The following SESTD1 variants were observed in gnomAD, a reference collection of about 807,000 sequenced individuals.
The protein encoded by SESTD1 is SEC14 domain and spectrin repeat-containing protein 1.
Under a neutral mutation model 101.7 loss-of-function variants are expected in SESTD1, and 43 were observed. The observed-to-expected ratio is 0.42, with a 90% CI of 0.33 to 0.55. The LOEUF is 0.55. Ranked by LOEUF, SESTD1 falls within the 20% of genes least tolerant of loss-of-function variation. The pLI is 0.07. For synonymous variants in SESTD1, 283 were observed against 286.8 expected (o/e 0.99, Z 0.13); for missense variants, 647 against 815.1 (o/e 0.79, Z 2.51).
At chr2:179,156,120 A>G (rs10205477) in intron 5 of SESTD1, among the ~76,000 whole-genome samples, 32,516 of 151,482 alleles carry the variant, frequency 0.21, 3,776 homozygotes, top group African/African-American at 0.29. Context: ...ATATATATAT[A>G]TGTGTGTATA....
chr2:179,111,245 G>A (rs1056171870), intron 17 of SESTD1, among the ~76,000 whole-genome samples: 1 of 152,192 alleles, frequency 6.6e-6, no homozygotes, highest in Admixed American at 6.5e-5. Flanking sequence ...TTTAGGTGGG[G>A]CTTGAGATAA....
chr2:179,161,679 A>T (rs1047521818), intron 5 of SESTD1, among the ~76,000 whole-genome samples: 1 of 151,788 alleles, frequency 6.6e-6, no homozygotes, highest in African/African-American at 2.4e-5. Context: ...AAAAAAAGGT[A>T]TTATGCCATC....
chr2:179,190,969 T>C (rs2046311075), intron 2 of SESTD1, among the ~76,000 whole-genome samples: 1 of 152,234 alleles, frequency 6.6e-6, no homozygotes, highest in East Asian at 1.9e-4. Flanking sequence ...GTTTGGAGAC[T>C]TCTCAGAGAA....
At chr2:179,132,514 C>G in intron 9 of SESTD1, 88 bp from the exon 10 acceptor site, 1 of 1,428,502 alleles carries the variant, frequency 7.0e-7, no homozygotes, top group Non-Finnish European at 9.4e-7. Context: ...TCCCAAAGTT[C>G]CCCAATTATT....
chr2:179,147,326 T>C (rs1470201095), intron 7 of SESTD1, among the ~76,000 whole-genome samples: 2 of 151,884 alleles, frequency 1.3e-5, no homozygotes, highest in Admixed American at 6.6e-5. Flanking sequence ...CTTCCCAAAG[T>C]GTTTCCCAAA....
At chr2:179,172,938 A>T (rs1559127551) in intron 4 of SESTD1, among the ~76,000 whole-genome samples, 1 of 152,230 alleles carries the variant, frequency 6.6e-6, no homozygotes, top group South Asian at 2.1e-4. Flanking sequence ...AAATATCATC[A>T]TTACAAGGCT....
rs1296943995 is a variant in SESTD1, at chr2:179,105,718, A to G, written c.*4181T>C. On this transcript the variant is annotated 3_prime_UTR_variant, in exon 18 of 18. Transcript: ENST00000428443. ...TATTTTGGCTTCAACAATTCTTTAT[A>G]TCATATTTTATTCTTGAAATTGGTA... The G allele has an allele frequency of 1.3e-5, 2 of 152,176 alleles. No individual in the cohort carries two copies. Among genetic ancestry groups the G allele is most frequent in the African/African-American group, 4.8e-5 (2 of 41,450 alleles). 9.4% of individuals were successfully genotyped at this position (152,176 alleles called of 1,614,324 possible). A position where few individuals can be genotyped will look rare whatever the true frequency, so the allele number is the denominator to read the frequency against.
At position 179,108,738 on chromosome 2, in the gene SESTD1, AATAC is replaced by A. The variant is rs1335260787; in HGVS notation, c.*1157_*1160del. On this transcript the variant is annotated 3_prime_UTR_variant, in exon 18 of 18. Coordinates refer to ENST00000428443, the MANE Select transcript of SESTD1 (RefSeq NM_178123.5). The stretch of plus-strand genomic sequence containing the variant: ...ATTTTAAAAAATGTTCTGAAATAAA[AATAC>A]ATAAAATTTAAATTATATGCATTTT... 2 of 152,142 alleles carry A rather than the reference AATAC, an allele frequency of 1.3e-5. No homozygotes were observed. The highest frequency in any genetic ancestry group is 2.4e-5 in the African/African-American group (1 of 41,446). 9.4% of individuals were successfully genotyped at this position (152,142 alleles called of 1,614,324 possible).
intron 1 of SESTD1, among the ~76,000 whole-genome samples, chr2:179,238,319 G>C (rs1003997730): frequency 1.5e-4 from 23 of 152,012 alleles, no homozygotes; most frequent in African/African-American, 5.3e-4. Flanking sequence ...AGGATCAACT[G>C]TACAATCATA....
intron 5 of SESTD1, among the ~76,000 whole-genome samples, chr2:179,155,206 G>T (rs892492657): frequency 1.3e-5 from 2 of 152,086 alleles, no homozygotes; most frequent in East Asian, 3.9e-4. Context: ...GTGAGCCATC[G>T]CATCCGGCCC....
At chr2:179,181,238 C>T (rs2046103805) in intron 3 of SESTD1, among the ~76,000 whole-genome samples, 1 of 152,148 alleles carries the variant, frequency 6.6e-6, no homozygotes, top group Non-Finnish European at 1.5e-5. Flanking sequence ...GTGAATGAAT[C>T]TGCTGGTCCT....
rs989331978 is a variant in SESTD1, at chr2:179,212,108, TCCAACTG to T, written c.-25-20249_-25-20243del. Reference sequence around the variant, plus strand: ...GCAGAAGACATGTGATTTCTGCATTTCCAACTGAGGTACCTGGTTCATCTCACTGGGA... The same window carrying T: ...GCAGAAGACATGTGATTTCTGCATTTAGGTACCTGGTTCATCTCACTGGGA... On this transcript the variant is annotated intron_variant, in intron 1 of 17. Coordinates refer to ENST00000428443, the MANE Select transcript of SESTD1 (RefSeq NM_178123.5). Among the ~76,000 whole-genome samples the T allele has an allele frequency of 3.7e-5, 5 of 135,074 alleles. 1 individual carries two copies. Among genetic ancestry groups the T allele is most frequent in the African/African-American group, 1.5e-4 (5 of 34,208 alleles). The allele number at this position is 135,074 out of a possible 152,430, so 88.6% of individuals were successfully genotyped here. A position where few individuals can be genotyped will look rare whatever the true frequency, so the allele number is the denominator to read the frequency against.
chr2:179,259,632 CT>C (rs760655491), intron 1 of SESTD1, among the ~76,000 whole-genome samples: 1 of 152,110 alleles, frequency 6.6e-6, no homozygotes, highest in Non-Finnish European at 1.5e-5. Context: ...AACAAAACTT[CT>C]GACTTAGGGC....
intron 2 of SESTD1, 102 bp from the exon 3 acceptor site, chr2:179,183,290 A>G (rs1314843738): frequency 2.9e-6 from 2 of 683,958 alleles, no homozygotes; most frequent in Non-Finnish European, 4.3e-6. Context: ...GATAAGTTTA[A>G]GATATAATTT....
At chr2:179,209,450 C>G (rs2046625147) in intron 1 of SESTD1, among the ~76,000 whole-genome samples, 1 of 134,422 alleles carries the variant, frequency 7.4e-6, no homozygotes, top group Non-Finnish European at 1.6e-5. Context: ...GGAACATTCT[C>G]CAAGACAGAT....
At chr2:179,187,211 C>G (rs2046246374) in intron 2 of SESTD1, among the ~76,000 whole-genome samples, 1 of 152,156 alleles carries the variant, frequency 6.6e-6, no homozygotes, top group Non-Finnish European at 1.5e-5. Flanking sequence ...GCAATTGAGA[C>G]TACAAAGCAA....
chr2:179,140,405 G>A (rs2045251788), intron 9 of SESTD1, among the ~76,000 whole-genome samples: 1 of 152,112 alleles, frequency 6.6e-6, no homozygotes, highest in Non-Finnish European at 1.5e-5. Flanking sequence ...GACACATACA[G>A]AGAGAAGACA....
intron 3 of SESTD1, among the ~76,000 whole-genome samples, chr2:179,179,822 C>CT (rs929901647): frequency 6.6e-6 from 1 of 152,136 alleles, no homozygotes; most frequent in African/African-American, 2.4e-5. Context: ...TCTGATCCCC[C>CT]TCCCAGCACT....
At chr2:179,256,736 C>T (rs1559165113) in intron 1 of SESTD1, among the ~76,000 whole-genome samples, 1 of 146,168 alleles carries the variant, frequency 6.8e-6, no homozygotes, top group South Asian at 2.2e-4. Context: ...CACTTGAACC[C>T]GGGAGGCAGA....
Sources: gnomAD v4.1 joint callset for allele counts (sites outside exome capture counted in the v4.1 genomes callset) on GRCh38, gnomAD v4.1.1 for gene constraint, MANE v1.5 for transcripts, NCBI Gene and HGNC (gene_info 2026-07-23, HGNC 2026-07-21) for gene names.